ACOT12: variants seen among roughly 807,000 people sequenced by gnomAD.
The protein encoded by ACOT12 is acetyl-coenzyme A thioesterase.
Under a neutral mutation model 67.7 loss-of-function variants are expected in ACOT12, and 51 were observed. The observed-to-expected ratio is 0.75, with a 90% CI of 0.60 to 0.95. The LOEUF (loss-of-function observed/expected upper bound fraction) is 0.95, where lower values mean the gene tolerates loss of function less well. ACOT12 is among the 40% of genes least tolerant of loss of function. The probability of loss-of-function intolerance (pLI) is 0.00; values close to 1 mark genes in which losing one functional copy is unlikely to be tolerated. For synonymous variants in ACOT12, 251 were observed against 244.6 expected (o/e 1.03, Z -0.24); for missense variants, 734 against 708.1 (o/e 1.04, Z -0.41).
At chr5:81,360,895 C>T (rs918288316) in intron 4 of ACOT12, among the ~76,000 whole-genome samples, 1 of 151,530 alleles carries the variant, frequency 6.6e-6, no homozygotes, top group East Asian at 2.0e-4. Flanking sequence ...CTGGCCAACA[C>T]GTTGAAACAC....
intron 2 of ACOT12, among the ~76,000 whole-genome samples, chr5:81,383,064 T>A (rs1484981528): frequency 1.3e-5 from 2 of 152,148 alleles, no homozygotes; most frequent in Admixed American, 1.3e-4. Flanking sequence ...TCATTAGATA[T>A]CATATGGCCT....
intron 2 of ACOT12, among the ~76,000 whole-genome samples, chr5:81,379,639 G>A (rs774637977): frequency 1.3e-5 from 2 of 152,122 alleles, no homozygotes; most frequent in Non-Finnish European, 2.9e-5. Flanking sequence ...CAGGATCAGA[G>A]TTCAAACCCT....
chr5:81,376,052 C>T (rs1209724260), intron 2 of ACOT12, among the ~76,000 whole-genome samples: 3 of 152,150 alleles, frequency 2.0e-5, no homozygotes, highest in Non-Finnish European at 4.4e-5. Flanking sequence ...CTCAGCACCA[C>T]AAAGTGCTTA....
intron 3 of ACOT12, 121 bp from the exon 4 acceptor site, chr5:81,364,010 A>G: frequency 2.0e-6 from 1 of 506,708 alleles, no homozygotes; most frequent in East Asian, 3.5e-5. Flanking sequence ...CAGAATTTTA[A>G]TTTATTTTTA....
the ACOT12 span, among the ~76,000 whole-genome samples, chr5:81,321,775 C>T: frequency 1.3e-5 from 2 of 152,060 alleles, no homozygotes; most frequent in East Asian, 1.9e-4. Context: ...GGTGAAACCC[C>T]GACACTACTA....
chr5:81,346,313 C>A (rs1215342973), intron 6 of ACOT12, among the ~76,000 whole-genome samples: 3 of 152,194 alleles, frequency 2.0e-5, no homozygotes, highest in Non-Finnish European at 1.5e-5. Context: ...ATCTGAATTA[C>A]AGTCATCCTG....
chr5:81,316,497 TTCA>T, the ACOT12 span, among the ~76,000 whole-genome samples: 1 of 152,268 alleles, frequency 6.6e-6, no homozygotes, highest in Admixed American at 6.5e-5. Flanking sequence ...CCACATTTTA[TTCA>T]TCAGTTGATG....
rs1411176007 is a variant in ACOT12 at position 81,335,762 on chromosome 5, T to C, written c.1262+6A>G. On this transcript the variant is annotated splice_donor_region_variant and intron_variant, in intron 12 of 14. Coordinates refer to ENST00000307624, the MANE Select transcript of ACOT12 (RefSeq NM_130767.3). ...GATTGAGAAAAATTTTTAAATTTGTTCTTACACAAAATGGGGGTCCCACAA... is the reference window on the plus strand; with the variant it reads ...GATTGAGAAAAATTTTTAAATTTGTCCTTACACAAAATGGGGGTCCCACAA... 1.2e-6 allele frequency: 2 copies of C among 1,603,690 alleles called. No homozygotes were observed. Among genetic ancestry groups the C allele is most frequent in the South Asian group, 2.3e-5 (2 of 88,498 alleles).
chr5:81,359,761 G>T, intron 5 of ACOT12, 142 bp downstream of exon 5: 1 of 869,242 alleles, frequency 1.2e-6, no homozygotes, highest in Non-Finnish European at 1.7e-6. Flanking sequence ...TTCTTCTCCA[G>T]CCACCGGGTT....
intron 3 of ACOT12, among the ~76,000 whole-genome samples, chr5:81,367,758 G>T (rs751541518): frequency 3.9e-5 from 6 of 152,050 alleles, no homozygotes; most frequent in African/African-American, 4.8e-5. Flanking sequence ...AAATACTCCA[G>T]GTAGAAGGCA....
At chr5:81,353,612 A>G (rs1759620279) in intron 5 of ACOT12, among the ~76,000 whole-genome samples, 1 of 152,212 alleles carries the variant, frequency 6.6e-6, no homozygotes, top group Non-Finnish European at 1.5e-5. Flanking sequence ...ATGCTTTCAA[A>G]TTTTAAGTTT....
intron 5 of ACOT12, among the ~76,000 whole-genome samples, chr5:81,357,780 C>A (rs142345494): frequency 0.011 from 1,708 of 152,104 alleles, 17 homozygotes; most frequent in South Asian, 0.017. Flanking sequence ...CCAAGGTGGG[C>A]GGATCACCTG....
At chr5:81,364,244 TATG>T (rs770037556) in intron 3 of ACOT12, among the ~76,000 whole-genome samples, 89 of 150,728 alleles carry the variant, frequency 5.9e-4, no homozygotes, top group Admixed American at 4.6e-4. Flanking sequence ...ATATGATATA[TATG>T]ATGTCATATA....
At chr5:81,313,717 G>C in the ACOT12 span, among the ~76,000 whole-genome samples, 2 of 152,210 alleles carry the variant, frequency 1.3e-5, no homozygotes, top group Non-Finnish European at 2.9e-5. Flanking sequence ...ATTAGTTACT[G>C]ATGCCTCAAA....
At chr5:81,341,695 T>A (rs1759196834) in intron 11 of ACOT12, among the ~76,000 whole-genome samples, 1 of 152,168 alleles carries the variant, frequency 6.6e-6, no homozygotes, top group Admixed American at 6.5e-5. Flanking sequence ...TACAGTCTAG[T>A]TATTGTGGGC....
the ACOT12 span, among the ~76,000 whole-genome samples, chr5:81,322,613 G>A: frequency 6.6e-6 from 1 of 152,150 alleles, no homozygotes; most frequent in Non-Finnish European, 1.5e-5. Context: ...AAAAGGAGGT[G>A]AGGGAGTAAG....
chr5:81,317,442 C>G, the ACOT12 span, among the ~76,000 whole-genome samples: 1 of 148,618 alleles, frequency 6.7e-6, no homozygotes, highest in Admixed American at 6.9e-5. Context: ...GTGGAGGCTT[C>G]AGTGAGCCGA....
At chr5:81,375,135 C>T (rs146455015) in intron 2 of ACOT12, among the ~76,000 whole-genome samples, 2,923 of 152,294 alleles carry the variant, frequency 0.019, 53 homozygotes, top group Admixed American at 0.047. Flanking sequence ...AGACTAACAG[C>T]GGATCTCTCT....
chr5:81,354,475 T>C (rs1007024152), intron 5 of ACOT12, among the ~76,000 whole-genome samples: 1 of 152,292 alleles, frequency 6.6e-6, no homozygotes, highest in African/African-American at 2.4e-5. Context: ...CATGTTTACC[T>C]GGCTCTTGTT....
Sources: allele counts gnomAD v4.1 joint callset (sites outside exome capture counted in the v4.1 genomes callset), GRCh38; gene constraint gnomAD v4.1.1; transcripts MANE v1.5; gene names NCBI Gene and HGNC (gene_info 2026-07-23, HGNC 2026-07-21).